PCDHGB4: variants seen among roughly 807,000 people sequenced by gnomAD.
The protein encoded by PCDHGB4 is protocadherin gamma-B4.
A neutral mutation model predicts 60.5 loss-of-function variants in PCDHGB4; 38 were observed. The ratio of observed to expected loss-of-function variants is 0.63; its 90% CI spans 0.48 to 0.82. The LOEUF (loss-of-function observed/expected upper bound fraction) is 0.82. Ranked by LOEUF, PCDHGB4 falls within the 40% of genes least tolerant of loss-of-function variation. The pLI is 0.00. For synonymous variants in PCDHGB4, 456 were observed against 509.7 expected (o/e 0.89, Z 1.42); for missense variants, 1,109 against 1,209.6 (o/e 0.92, Z 1.23).
At chr5:141,400,126 G>A (rs1428204829) in intron 1 of PCDHGB4, 2 of 1,613,972 alleles carry the variant, frequency 1.2e-6, no homozygotes, top group East Asian at 2.2e-5. Context: ...CTTGCAGGAG[G>A]TGCTGCCGGA....
chr5:141,405,514 A>C, intron 1 of PCDHGB4: 1 of 704,834 alleles, frequency 1.4e-6, no homozygotes, highest in Non-Finnish European at 2.3e-6. Context: ...CCGCCTCCCA[A>C]ATTCAAGCGA....
At chr5:141,443,209 C>T (rs1183847804) in intron 1 of PCDHGB4, among the ~76,000 whole-genome samples, 2 of 152,030 alleles carry the variant, frequency 1.3e-5, no homozygotes, top group African/African-American at 2.4e-5. Flanking sequence ...GAGCTTGTCT[C>T]GCCAGGCGCA....
At chr5:141,494,215 G>T (rs984086536) in intron 1 of PCDHGB4, among the ~76,000 whole-genome samples, 2 of 152,200 alleles carry the variant, frequency 1.3e-5, no homozygotes, top group Non-Finnish European at 2.9e-5. Context: ...GCCCAATCTG[G>T]CATGACTCCT....
At position 141,432,232 on chromosome 5, in the gene PCDHGB4, G is replaced by A. The variant is rs766929605; in HGVS notation, c.2397+41951G>A. Reference sequence around the variant, plus strand: ...AGAACGCCCAGATCACTTATTCCCTGGCTGAGAACACCATCCAAGGGGCAA... The same window carrying A: ...AGAACGCCCAGATCACTTATTCCCTAGCTGAGAACACCATCCAAGGGGCAA... On this transcript the variant is annotated intron_variant, in intron 1 of 3. Coordinates refer to ENST00000519479, the MANE Select transcript of PCDHGB4 (RefSeq NM_003736.4). The surrounding 1 kb of genome is among the most constrained non-coding windows in gnomAD (Gnocchi z 6.0). The A allele has an allele frequency of 6.2e-7, 1 of 1,614,188 alleles. No homozygotes were observed. The highest frequency in any genetic ancestry group is 1.6e-4 in the Middle Eastern group (1 of 6,062).
chr5:141,467,554 T>A (rs2099145880), intron 1 of PCDHGB4, among the ~76,000 whole-genome samples: 1 of 152,238 alleles, frequency 6.6e-6, no homozygotes. Flanking sequence ...TATATCTTTT[T>A]TCCCAAATGG....
intron 1 of PCDHGB4, among the ~76,000 whole-genome samples, chr5:141,397,434 A>G (rs1343347268): frequency 1.3e-5 from 2 of 152,238 alleles, no homozygotes; most frequent in African/African-American, 4.8e-5. Context: ...TTTCCCTAAT[A>G]TGTGTAATAT....
chr5:141,448,145 A>G (rs2098568457), intron 1 of PCDHGB4, among the ~76,000 whole-genome samples: 1 of 151,716 alleles, frequency 6.6e-6, no homozygotes, highest in South Asian at 2.1e-4. Flanking sequence ...TATACCTCAG[A>G]CTCACCCCTG....
Position 141,432,061 on chromosome 5 carries a change from G to A in PCDHGB4, c.2397+41780G>A. 1 of 1,614,130 alleles carries A rather than the reference G, an allele frequency of 6.2e-7. No homozygotes were observed. The highest frequency in any genetic ancestry group is 8.5e-7 in the Non-Finnish European group (1 of 1,180,034). ...ACCGGGGAACCCCGCCCCTATCCAC[G>A]GAAACTCATATCTCGCTGAACGTGG... On this transcript the variant is annotated intron_variant, in intron 1 of 3. Coordinates refer to ENST00000519479, the MANE Select transcript of PCDHGB4 (RefSeq NM_003736.4). The surrounding 1 kb of genome is among the most constrained non-coding windows in gnomAD (Gnocchi z 6.0).
Position 141,389,610 on chromosome 5 carries a change from G to T in PCDHGB4, c.1726G>T (p.Val576Leu), listed in dbSNP as rs1488136363. 1 of 1,613,000 alleles carries T rather than the reference G, an allele frequency of 6.2e-7. No individual in the cohort carries two copies. The highest frequency in any genetic ancestry group is 1.7e-5 in the Admixed American group (1 of 60,016). The stretch of plus-strand genomic sequence containing the variant: ...CGACGGCTCTGCGCTCTTCGATATG[G>T]TGCCGCACGCTGCAGAGCCTGGCTA... ...GPDGSALFDMVPHAAEPGYLV... is the reference protein window; with the variant it reads ...GPDGSALFDMLPHAAEPGYLV... Residue 576 changes from valine to leucine, a missense_variant, in exon 1 of 4, where the codon GTG becomes TTG. Around this residue, in one of 2 missense-constraint regions of PCDHGB4, gnomAD observed 1,068 missense variants for 1,089.9 expected, o/e 0.98. Coordinates refer to ENST00000519479, the MANE Select transcript of PCDHGB4 (RefSeq NM_003736.4).
rs145222727 is a variant in PCDHGB4 at position 141,387,924 on chromosome 5, CTGCCAG to C, written c.44_49del (p.Pro15_Val16del). ...CGGGGAGCTGGGCCGGGCTGAGAGG[CTGCCAG>C]TGCTCTTTCTCTTCCTGCTGTCTTT... On this transcript the variant is annotated inframe_deletion, in exon 1 of 4. Transcript: ENST00000519479. 0.087 allele frequency: 128,031 copies of C among 1,478,756 alleles called. 6,358 individuals carry two copies. The highest frequency in any genetic ancestry group is 0.099 in the Non-Finnish European group (110,553 of 1,115,536). 91.6% of individuals were successfully genotyped at this position (1,478,756 alleles called of 1,614,324 possible).
At position 141,393,088 on chromosome 5, in the gene PCDHGB4, G is replaced by T. The variant is rs760420305; in HGVS notation, c.2397+2807G>T. ...TTGATCACCGCGGGCAGGATAGATCGGGAGGAGCTCTGCGCTCAGAGCCCG... is the reference window on the plus strand; with the variant it reads ...TTGATCACCGCGGGCAGGATAGATCTGGAGGAGCTCTGCGCTCAGAGCCCG... On this transcript the variant is annotated intron_variant, in intron 1 of 3. Transcript: ENST00000519479. 3.7e-6 allele frequency: 6 copies of T among 1,613,530 alleles called. No homozygotes were observed. In the East Asian group the frequency reaches 1.3e-4, roughly 36 times the overall value.
chr5:141,423,927 T>A, intron 1 of PCDHGB4: 1 of 1,240,434 alleles, frequency 8.1e-7, no homozygotes, highest in Non-Finnish European at 1.0e-6. Context: ...TATGCTGGTT[T>A]GGTTTGAAGT....
intron 1 of PCDHGB4, chr5:141,409,528 C>T (rs1488294674): frequency 3.1e-6 from 5 of 1,613,882 alleles, no homozygotes; most frequent in Non-Finnish European, 4.2e-6. Context: ...CCTTGTATGT[C>T]GCTGACATCA....
chr5:141,472,095 C>T (rs1186697747), intron 1 of PCDHGB4, among the ~76,000 whole-genome samples: 1 of 151,998 alleles, frequency 6.6e-6, no homozygotes, highest in African/African-American at 2.4e-5. Flanking sequence ...TATTATTATT[C>T]CCATTTTATA....
intron 1 of PCDHGB4, chr5:141,417,708 G>C (rs1028054307): frequency 1.2e-4 from 152 of 1,227,878 alleles, no homozygotes; most frequent in East Asian, 4.9e-4. Context: ...CCACACAGAG[G>C]CTCCCGGCTG....
At chr5:141,508,841 C>G (rs969875150) in intron 3 of PCDHGB4, among the ~76,000 whole-genome samples, 1 of 152,140 alleles carries the variant, frequency 6.6e-6, no homozygotes, top group Admixed American at 6.5e-5. Flanking sequence ...TCCCCTACCC[C>G]TTCCATTCCC....
At chr5:141,396,821 G>A (rs934244827) in intron 1 of PCDHGB4, among the ~76,000 whole-genome samples, 5 of 152,314 alleles carry the variant, frequency 3.3e-5, no homozygotes, top group Middle Eastern at 3.4e-3. Context: ...ACTGTATGGT[G>A]CATATTCAGT....
At chr5:141,428,100 G>C (rs1313410784) in intron 1 of PCDHGB4, 11 of 1,608,462 alleles carry the variant, frequency 6.8e-6, no homozygotes, top group Non-Finnish European at 9.3e-6. Context: ...GTCCTACCAC[G>C]TGCTGCAGGC....
chr5:141,423,138 C>A (rs767107885), intron 1 of PCDHGB4: 3 of 1,613,606 alleles, frequency 1.9e-6, no homozygotes, highest in Non-Finnish European at 2.5e-6. Context: ...TGGACAGAGA[C>A]GCGCTCAAGC....
Sources: gnomAD v4.1 joint callset for allele counts (sites outside exome capture counted in the v4.1 genomes callset) on GRCh38, gnomAD v4.1.1 for gene constraint, gnomAD v4.1.1 regional missense constraint, Gnocchi (gnomAD v3.1) non-coding constraint, MANE v1.5 for transcripts, NCBI Gene and HGNC (gene_info 2026-07-23, HGNC 2026-07-21) for gene names.